The following ATAD1 variants were observed in gnomAD, a reference collection of about 807,000 sequenced individuals.
ATAD1 encodes ATPase family AAA domain containing 1, also known as outer mitochondrial transmembrane helix translocase.
In ATAD1, 18 loss-of-function variants were observed where a neutral mutation model predicts 42.7. The observed-to-expected ratio is 0.42, with a 90% CI of 0.29 to 0.63. The LOEUF is 0.63. Ranked by LOEUF, ATAD1 falls within the 20% of genes least tolerant of loss-of-function variation. ATAD1 has a pLI of 0.19. For missense variants in ATAD1, 294 were observed against 440.4 expected (o/e 0.67, Z 2.98); for synonymous variants, 132 against 143.1 (o/e 0.92, Z 0.55).
At chr10:87,790,472 A>G (rs367595662) in intron 3 of ATAD1, 42 bp from the exon 4 acceptor site, 15 of 1,553,426 alleles carry the variant, frequency 9.7e-6, no homozygotes, top group African/African-American at 1.4e-5. Context: ...CTACAAATGT[A>G]CACTCACTAA....
intron 5 of ATAD1, among the ~76,000 whole-genome samples, chr10:87,781,983 T>C (rs1160377689): frequency 2.0e-5 from 3 of 151,764 alleles, no homozygotes; most frequent in African/African-American, 7.3e-5. Flanking sequence ...CATTGCAACA[T>C]GCAAATATAT....
intron 4 of ATAD1, among the ~76,000 whole-genome samples, chr10:87,787,617 G>C (rs1855900180): frequency 6.6e-6 from 1 of 152,066 alleles, no homozygotes; most frequent in African/African-American, 2.4e-5. Flanking sequence ...CAAAAAAAAG[G>C]ATAAGAACAA....
At chr10:87,784,726 T>C in intron 4 of ATAD1, 56 bp from the exon 5 acceptor site, 2 of 1,486,996 alleles carry the variant, frequency 1.3e-6, no homozygotes, top group Admixed American at 1.9e-5. Flanking sequence ...TCAATTTATA[T>C]GATAATCAAT....
intron 2 of ATAD1, among the ~76,000 whole-genome samples, chr10:87,797,879 GGAACT>G (rs1208918301): frequency 5.3e-5 from 8 of 152,094 alleles, no homozygotes; most frequent in African/African-American, 1.9e-4. Flanking sequence ...ATTTGTGTGA[GGAACT>G]GAACTGTTGT....
At chr10:87,780,354 A>G (rs567475407) in intron 5 of ATAD1, among the ~76,000 whole-genome samples, 1 of 152,294 alleles carries the variant, frequency 6.6e-6, no homozygotes, top group South Asian at 2.1e-4. Context: ...TGAGACTGTA[A>G]TGATAAATAA....
chr10:87,765,067 A>C (rs1854674091), intron 8 of ATAD1, among the ~76,000 whole-genome samples: 1 of 152,176 alleles, frequency 6.6e-6, no homozygotes, highest in Non-Finnish European at 1.5e-5. Context: ...TAGGTTAAAA[A>C]AAAAGAATCC....
chr10:87,789,478 T>C (rs1371008147), intron 4 of ATAD1, among the ~76,000 whole-genome samples: 1 of 152,164 alleles, frequency 6.6e-6, no homozygotes, highest in African/African-American at 2.4e-5. Context: ...CCCAGCACTC[T>C]AGGAGGCCAA....
chr10:87,812,070 C>G (rs1857209524), intron 2 of ATAD1, among the ~76,000 whole-genome samples: 1 of 152,086 alleles, frequency 6.6e-6, no homozygotes, highest in Admixed American at 6.5e-5. Flanking sequence ...CAAGTCATTC[C>G]TTTTGTCACC....
rs1857101766 is a variant in ATAD1, at chr10:87,809,823, T to C, written c.162+4615A>G. ...CACCACGCCCGGCTAATTTTGTATT[T>C]TTAGTAGAGACAGGGTTTCACAATG... On this transcript the variant is annotated intron_variant, in intron 2 of 9. Coordinates refer to ENST00000680024, the MANE Select transcript of ATAD1 (RefSeq NM_001321967.2). Among the ~76,000 whole-genome samples the C allele has an allele frequency of 7.2e-5, 11 of 151,982 alleles. 1 individual carries two copies. Among genetic ancestry groups the C allele is most frequent in the Admixed American group, 4.6e-4 (7 of 15,260 alleles).
chr10:87,816,309 T>C (rs1215676628), intron 1 of ATAD1, among the ~76,000 whole-genome samples: 1 of 152,122 alleles, frequency 6.6e-6, no homozygotes, highest in East Asian at 1.9e-4. Context: ...TTCTGAAGGA[T>C]TTCCAAAAGG....
At chr10:87,759,724 A>G (rs1327614807) in intron 8 of ATAD1, 1 of 455,478 alleles carries the variant, frequency 2.2e-6, no homozygotes, top group South Asian at 1.6e-5. Flanking sequence ...AGTAGGCTCC[A>G]TCACTTCTTT....
chr10:87,840,274 A>G (rs965882238), intron 1 of ATAD1, among the ~76,000 whole-genome samples: 1 of 152,168 alleles, frequency 6.6e-6, no homozygotes, highest in Admixed American at 6.5e-5. Context: ...GCTTGAAACC[A>G]AAGGTTTGAG....
chr10:87,790,164 T>C (rs1856027631), intron 4 of ATAD1, 146 bp downstream of exon 4: 3 of 836,404 alleles, frequency 3.6e-6, no homozygotes, highest in South Asian at 4.2e-5. Context: ...AGCTGAAGAA[T>C]GAGCAATTAT....
intron 2 of ATAD1, among the ~76,000 whole-genome samples, chr10:87,793,918 T>C (rs760177808): frequency 1.6e-4 from 24 of 151,696 alleles, no homozygotes; most frequent in Non-Finnish European, 2.4e-4. Context: ...TTAGGATAAA[T>C]GTGTTTAATA....
intron 2 of ATAD1, among the ~76,000 whole-genome samples, chr10:87,812,671 TA>T (rs1232247880): frequency 6.6e-6 from 1 of 152,190 alleles, no homozygotes; most frequent in Non-Finnish European, 1.5e-5. Flanking sequence ...CTGAGTGTTT[TA>T]AACACTGGTA....
intron 8 of ATAD1, among the ~76,000 whole-genome samples, chr10:87,765,687 T>C (rs1337565516): frequency 6.6e-6 from 1 of 152,148 alleles, no homozygotes; most frequent in East Asian, 1.9e-4. Context: ...TTCTTAAACA[T>C]ACAATATTCA....
At chr10:87,802,536 T>C (rs779327688) in intron 2 of ATAD1, among the ~76,000 whole-genome samples, 4 of 152,008 alleles carry the variant, frequency 2.6e-5, no homozygotes, top group African/African-American at 4.8e-5. Flanking sequence ...CAGGGCGCAG[T>C]GGCTCATGCC....
intron 1 of ATAD1, among the ~76,000 whole-genome samples, chr10:87,828,499 A>C (rs752751429): frequency 2.0e-5 from 3 of 152,216 alleles, no homozygotes; most frequent in Non-Finnish European, 4.4e-5. Context: ...AGGTTAGTTC[A>C]TGAGGTTTAA....
chr10:87,832,074 C>CTTT (rs531545097), intron 1 of ATAD1: 22,166 of 108,590 alleles, frequency 0.2, 3,414 homozygotes, highest in Non-Finnish European at 0.29. Flanking sequence ...ATTGTTATGG[C>CTTT]TTTTTTTTTT....
Sources: allele counts gnomAD v4.1 joint callset (sites outside exome capture counted in the v4.1 genomes callset), GRCh38; gene constraint gnomAD v4.1.1; transcripts MANE v1.5; gene names NCBI Gene and HGNC (gene_info 2026-07-23, HGNC 2026-07-21).